Variants in ASB3 observed in about 807,000 individuals in gnomAD.
ASB3 encodes the protein ankyrin repeat and SOCS box protein 3.
In ASB3, 41 loss-of-function variants were observed where a neutral mutation model predicts 54.5. The observed-to-expected ratio is 0.75, with a 90% CI of 0.59 to 0.98. The LOEUF is 0.98. Ranked by LOEUF, ASB3 falls within the 50% of genes least tolerant of loss-of-function variation. The probability of loss-of-function intolerance (pLI) is 0.00; values close to 1 mark genes in which losing one functional copy is unlikely to be tolerated. For missense variants in ASB3, 733 were observed against 620.0 expected (o/e 1.18, Z -1.94); for synonymous variants, 266 against 221.2 (o/e 1.20, Z -1.80).
intron 1 of ASB3, among the ~76,000 whole-genome samples, chr2:53,776,119 G>A (rs1436689336): frequency 1.3e-5 from 2 of 152,046 alleles, no homozygotes; most frequent in African/African-American, 4.8e-5. Context: ...TTAAACTCAG[G>A]CATGACTAAT....
chr2:53,774,238 A>C, intron 1 of ASB3: 1 of 1,614,170 alleles, frequency 6.2e-7, no homozygotes, highest in Admixed American at 1.7e-5. Flanking sequence ...CTACAGAACC[A>C]CAACAGTCAT....
chr2:53,741,684 G>A (rs1043464362), intron 3 of ASB3, among the ~76,000 whole-genome samples: 1 of 152,040 alleles, frequency 6.6e-6, no homozygotes, highest in Non-Finnish European at 1.5e-5. Flanking sequence ...TACTGAAATC[G>A]AGAATTTCTG....
At chr2:53,731,085 T>A (rs894977227) in intron 3 of ASB3, among the ~76,000 whole-genome samples, 1 of 152,194 alleles carries the variant, frequency 6.6e-6, no homozygotes, top group Non-Finnish European at 1.5e-5. Context: ...ATTTCCCCTA[T>A]AAGACACTCA....
intron 7 of ASB3, among the ~76,000 whole-genome samples, chr2:53,707,756 G>A (rs2103801209): frequency 6.6e-6 from 1 of 151,920 alleles, no homozygotes; most frequent in Middle Eastern, 3.4e-3. Context: ...GAGCTTACGA[G>A]TTATAGACCA....
intron 3 of ASB3, among the ~76,000 whole-genome samples, chr2:53,733,027 A>C (rs149750140): frequency 2.0e-5 from 3 of 152,358 alleles, no homozygotes; most frequent in Non-Finnish European, 4.4e-5. Context: ...CAAGTATAAG[A>C]GCATGTTTAG....
At chr2:53,716,815 A>G (rs1670421373) in intron 5 of ASB3, 72 bp from the exon 6 acceptor site, 3 of 1,490,922 alleles carry the variant, frequency 2.0e-6, no homozygotes, top group Non-Finnish European at 2.7e-6. Context: ...TTTCAAAGGA[A>G]CTACCATAAA....
Position 53,690,292 on chromosome 2 carries a change from A to G in ASB3, c.1369+3592T>C, listed in dbSNP as rs139593865. Among the ~76,000 whole-genome samples the G allele has an allele frequency of 4.0e-3, 608 of 152,212 alleles. 4 individuals carry two copies. The highest frequency in any genetic ancestry group is 0.013 in the African/African-American group (551 of 41,520). On this transcript the variant is annotated intron_variant, in intron 9 of 9. Coordinates refer to ENST00000263634, the MANE Select transcript of ASB3 (RefSeq NM_016115.5). Reference sequence around the variant, plus strand: ...TAATTAAATTAAAAACTGAGTTGAGACATACAATATTTAGAGAGAACTGCT... The same window carrying G: ...TAATTAAATTAAAAACTGAGTTGAGGCATACAATATTTAGAGAGAACTGCT...
chr2:53,670,600 T>A lies in ASB3; in HGVS notation c.1460A>T (p.Gln487Leu). ...ERLRSDSYIS[Q>L]LPLPRSLHNY... ...ATGTAGGCTTCTGGGAAGTGGCAGC[T>A]GACTAATATAACTGTCAGACCGTAG... The change falls in exon 10 of 10, where the codon CAG becomes CTG. Residue 487 changes from glutamine to leucine, a missense_variant. Physicochemically the swap from Gln to Leu is moderately radical, Grantham distance 113. Transcript: ENST00000263634. 6.2e-7 allele frequency: 1 copy of A among 1,614,074 alleles called. No individual in the cohort carries two copies. The highest frequency in any genetic ancestry group is 8.5e-7 in the Non-Finnish European group (1 of 1,179,998).
At chr2:53,744,119 G>A (rs1672091002) in intron 3 of ASB3, among the ~76,000 whole-genome samples, 1 of 151,560 alleles carries the variant, frequency 6.6e-6, no homozygotes, top group African/African-American at 2.4e-5. Context: ...GCTCACGCCT[G>A]TAATCCCAGC....
chr2:53,716,463 G>C, intron 6 of ASB3, 103 bp downstream of exon 6: 4 of 1,404,266 alleles, frequency 2.8e-6, no homozygotes, highest in South Asian at 1.4e-5. Flanking sequence ...GTAGGGAAGA[G>C]AATATCAAAG....
At chr2:53,782,194 C>CA (rs1304914005) in intron 1 of ASB3, among the ~76,000 whole-genome samples, 7 of 151,864 alleles carry the variant, frequency 4.6e-5, no homozygotes, top group Non-Finnish European at 8.8e-5. Context: ...AACAAACAAA[C>CA]AAAAAAACAA....
At chr2:53,782,911 T>A (rs1674732295) in intron 1 of ASB3, among the ~76,000 whole-genome samples, 1 of 151,968 alleles carries the variant, frequency 6.6e-6, no homozygotes, top group Non-Finnish European at 1.5e-5. Context: ...CCCAGCCTCT[T>A]GAGTAGCTGG....
intron 9 of ASB3, among the ~76,000 whole-genome samples, chr2:53,688,930 T>C (rs1391222056): frequency 6.6e-6 from 1 of 150,478 alleles, no homozygotes; most frequent in Non-Finnish European, 1.5e-5. Context: ...ACTTAAAGTG[T>C]AAGAAAAAAA....
intron 3 of ASB3, among the ~76,000 whole-genome samples, chr2:53,733,510 C>G (rs536295152): frequency 6.6e-6 from 1 of 151,328 alleles, no homozygotes; most frequent in Non-Finnish European, 1.5e-5. Context: ...AGCACTATTT[C>G]GGCTCACAGC....
At chr2:53,778,778 A>G (rs1195398547) in intron 1 of ASB3, among the ~76,000 whole-genome samples, 2 of 152,198 alleles carry the variant, frequency 1.3e-5, no homozygotes, top group South Asian at 2.1e-4. Flanking sequence ...TTCTTTATCC[A>G]TTCATCTGTC....
intron 1 of ASB3, among the ~76,000 whole-genome samples, chr2:53,772,454 A>G (rs370991859): frequency 3.4e-4 from 52 of 152,182 alleles, no homozygotes; most frequent in Middle Eastern, 3.4e-3. Context: ...GATTACAGGC[A>G]TGAGCCACCG....
At chr2:53,730,279 C>G (rs574462456) in intron 3 of ASB3, among the ~76,000 whole-genome samples, 1 of 152,314 alleles carries the variant, frequency 6.6e-6, no homozygotes, top group South Asian at 2.1e-4. Context: ...CAAACACACA[C>G]ACACACCATT....
At chr2:53,730,321 G>A (rs1304237440) in intron 3 of ASB3, among the ~76,000 whole-genome samples, 1 of 152,150 alleles carries the variant, frequency 6.6e-6, no homozygotes, top group African/African-American at 2.4e-5. Context: ...ATGTTGTTAG[G>A]TGTGAGGCTA....
intron 8 of ASB3, among the ~76,000 whole-genome samples, chr2:53,699,410 T>C (rs1669358628): frequency 6.6e-6 from 1 of 152,200 alleles, no homozygotes; most frequent in Non-Finnish European, 1.5e-5. Context: ...GAAAGGAGCA[T>C]GAAGGCTGAA....
Sources: gnomAD v4.1 joint callset for allele counts (sites outside exome capture counted in the v4.1 genomes callset) on GRCh38, gnomAD v4.1.1 for gene constraint, MANE v1.5 for transcripts, NCBI Gene and HGNC (gene_info 2026-07-23, HGNC 2026-07-21) for gene names.